Variants in EPB41L4B observed in about 807,000 individuals in gnomAD.
EPB41L4B encodes erythrocyte membrane protein band 4.1 like 4B.
Under a neutral mutation model 112.5 loss-of-function variants are expected in EPB41L4B, and 30 were observed. That is an observed-to-expected ratio of 0.27 (90% confidence interval 0.20 to 0.36). The LOEUF (loss-of-function observed/expected upper bound fraction) is 0.36. EPB41L4B is among the 10% of genes least tolerant of loss of function. The pLI, the probability that EPB41L4B is intolerant of heterozygous loss-of-function variation, is 1.00. For missense variants in EPB41L4B, 1,024 were observed against 1,133.3 expected, an observed-to-expected ratio of 0.90 and a Z score of 1.38; for synonymous variants, 408 against 439.7, an observed-to-expected ratio of 0.93 and a Z score of 0.90.
intron 1 of EPB41L4B, among the ~76,000 whole-genome samples, chr9:109,315,896 A>G (rs547454183): frequency 2.8e-4 from 43 of 152,316 alleles, no homozygotes; most frequent in Middle Eastern, 6.8e-3. Flanking sequence ...TCCACTAAAG[A>G]AGAGCCAAGC....
chr9:109,308,179 C>T (rs531238745), intron 1 of EPB41L4B, among the ~76,000 whole-genome samples: 6 of 152,076 alleles, frequency 3.9e-5, no homozygotes, highest in East Asian at 3.9e-4. Context: ...TGGAGGGCCT[C>T]CCGAGTATGT....
chr9:109,177,612 A>G (rs1831889308), intron 24 of EPB41L4B, among the ~76,000 whole-genome samples: 1 of 152,010 alleles, frequency 6.6e-6, no homozygotes, highest in African/African-American at 2.4e-5. Flanking sequence ...ACCTGAGGTC[A>G]GGAGCTCAAG....
At chr9:109,288,729 A>AAAAG (rs1836404397) in intron 1 of EPB41L4B, among the ~76,000 whole-genome samples, 1 of 135,910 alleles carries the variant, frequency 7.4e-6, no homozygotes, top group Non-Finnish European at 1.6e-5. Context: ...TCTCAAAAAA[A>AAAAG]AAAAAAAAAA....
At chr9:109,278,040 GA>G (rs1175470781) in intron 2 of EPB41L4B, among the ~76,000 whole-genome samples, 2 of 152,170 alleles carry the variant, frequency 1.3e-5, no homozygotes, top group Non-Finnish European at 2.9e-5. Context: ...CAGAGGAAGA[GA>G]AAAACTGAGA....
intron 17 of EPB41L4B, among the ~76,000 whole-genome samples, chr9:109,210,143 G>A (rs10739274): frequency 1.3e-5 from 2 of 151,730 alleles, no homozygotes; most frequent in South Asian, 2.1e-4. Flanking sequence ...GCTATCAATC[G>A]TTCCTGAGCC....
intron 15 of EPB41L4B, among the ~76,000 whole-genome samples, chr9:109,236,557 C>A (rs1834149256): frequency 6.6e-6 from 1 of 152,176 alleles, no homozygotes; most frequent in East Asian, 1.9e-4. Context: ...CTGTCCTGGG[C>A]TGCTAAAATG....
At chr9:109,271,939 ATAGTACAT>A (rs1431953766) in intron 2 of EPB41L4B, among the ~76,000 whole-genome samples, 1 of 152,206 alleles carries the variant, frequency 6.6e-6, no homozygotes, top group Non-Finnish European at 1.5e-5. Flanking sequence ...ATCTGTTCCA[ATAGTACAT>A]CAATTCTGGA....
At chr9:109,197,674 G>A (rs1447018763) in intron 20 of EPB41L4B, among the ~76,000 whole-genome samples, 1 of 151,994 alleles carries the variant, frequency 6.6e-6, no homozygotes, top group Non-Finnish European at 1.5e-5. Context: ...AGTTTGATTA[G>A]CCGGGCATGG....
intron 15 of EPB41L4B, among the ~76,000 whole-genome samples, chr9:109,222,912 T>G (rs190910692): frequency 2.6e-4 from 39 of 152,286 alleles, no homozygotes; most frequent in Non-Finnish European, 3.8e-4. Context: ...CTGATCTCAT[T>G]TCTTCTCTTC....
intron 2 of EPB41L4B, among the ~76,000 whole-genome samples, chr9:109,276,499 C>T (rs1425737635): frequency 1.3e-5 from 2 of 152,198 alleles, no homozygotes; most frequent in East Asian, 1.9e-4. Flanking sequence ...CTGCTGCTGC[C>T]GCACAGCTCT....
At chr9:109,284,374 T>C (rs576673743) in intron 1 of EPB41L4B, among the ~76,000 whole-genome samples, 16 of 152,258 alleles carry the variant, frequency 1.1e-4, no homozygotes, top group African/African-American at 3.4e-4. Context: ...CCATCTATAT[T>C]AGGATGAAGC....
At chr9:109,232,612 C>T (rs531540851) in intron 15 of EPB41L4B, among the ~76,000 whole-genome samples, 34 of 152,248 alleles carry the variant, frequency 2.2e-4, no homozygotes, top group African/African-American at 6.7e-4. Flanking sequence ...AGACGCCATC[C>T]GGCTCACTGA....
intron 15 of EPB41L4B, among the ~76,000 whole-genome samples, chr9:109,238,405 GT>G (rs1834227983): frequency 6.6e-6 from 1 of 152,204 alleles, no homozygotes; most frequent in Non-Finnish European, 1.5e-5. Flanking sequence ...ACTGGATAAG[GT>G]TGTTCAGATA....
At chr9:109,222,401 G>C (rs1467122111) in intron 15 of EPB41L4B, among the ~76,000 whole-genome samples, 1 of 152,134 alleles carries the variant, frequency 6.6e-6, no homozygotes, top group Non-Finnish European at 1.5e-5. Flanking sequence ...AAGTTTTGTG[G>C]GGTTGCTCAT....
At chr9:109,252,761 G>A (rs1048213143) in intron 12 of EPB41L4B, among the ~76,000 whole-genome samples, 1 of 152,164 alleles carries the variant, frequency 6.6e-6, no homozygotes, top group African/African-American at 2.4e-5. Flanking sequence ...CTAAGTCGGG[G>A]AGCAACCTAG....
At chr9:109,286,701 A>C (rs946856111) in intron 1 of EPB41L4B, among the ~76,000 whole-genome samples, 5 of 152,222 alleles carry the variant, frequency 3.3e-5, no homozygotes, top group Non-Finnish European at 7.3e-5. Context: ...GGGAAGCCCT[A>C]TAGGAACTAA....
chr9:109,290,670 A>G (rs1269945191), intron 1 of EPB41L4B, among the ~76,000 whole-genome samples: 1 of 151,094 alleles, frequency 6.6e-6, no homozygotes, highest in Non-Finnish European at 1.5e-5. Flanking sequence ...TCTCCCCTCA[A>G]TAACTTGCCA....
intron 5 of EPB41L4B, 25 bp downstream of exon 5, chr9:109,264,955 A>T (rs369647013): frequency 6.3e-7 from 1 of 1,589,928 alleles, no homozygotes; most frequent in African/African-American, 1.3e-5. Context: ...TCCTGGGTTA[A>T]GAGTTAGAAC....
chr9:109,265,330 G>A (rs1274000468), intron 4 of EPB41L4B, among the ~76,000 whole-genome samples: 3 of 152,220 alleles, frequency 2.0e-5, no homozygotes, highest in Admixed American at 2.0e-4. Flanking sequence ...GAAGAGAGCC[G>A]AACGTGGCAC....
Sources: allele counts gnomAD v4.1 joint callset (sites outside exome capture counted in the v4.1 genomes callset), GRCh38; gene constraint gnomAD v4.1.1; transcripts MANE v1.5; gene names NCBI Gene and HGNC (gene_info 2026-07-23, HGNC 2026-07-21).